Variants in SH3YL1 observed in about 807,000 individuals in gnomAD.
SH3YL1 encodes SH3 domain-containing YSC84-like protein 1.
In SH3YL1, 41 loss-of-function variants were observed where a neutral mutation model predicts 45.8. The observed-to-expected ratio is 0.89, with a 90% CI of 0.70 to 1.16. The LOEUF is 1.16. Among genes scored for constraint, SH3YL1 ranks in the 50% most tolerant of loss-of-function variants. The pLI, the probability that SH3YL1 is intolerant of heterozygous loss-of-function variation, is 0.00. For synonymous variants in SH3YL1, 152 were observed against 151.4 expected, an observed-to-expected ratio of 1.00 and a Z score of -0.03; for missense variants, 389 against 409.6, an observed-to-expected ratio of 0.95 and a Z score of 0.43.
At chr2:252,276 T>C (rs1009092467) in intron 2 of SH3YL1, among the ~76,000 whole-genome samples, 5 of 152,200 alleles carry the variant, frequency 3.3e-5, no homozygotes, top group African/African-American at 2.4e-5. Flanking sequence ...AGAATGTAAA[T>C]GTCTTATGTG....
intron 4 of SH3YL1, among the ~76,000 whole-genome samples, chr2:245,198 G>T (rs139902952): frequency 3.3e-5 from 5 of 152,256 alleles, no homozygotes; most frequent in African/African-American, 1.2e-4. Context: ...ACAATTACAC[G>T]CAGAGACTTA....
intron 9 of SH3YL1, among the ~76,000 whole-genome samples, chr2:224,341 G>A (rs911116903): frequency 6.6e-6 from 1 of 152,172 alleles, no homozygotes; most frequent in Non-Finnish European, 1.5e-5. Flanking sequence ...ACATTTGAAT[G>A]TGAAAAATAA....
At chr2:232,895 G>A (rs959288572) in intron 6 of SH3YL1, 6 of 343,256 alleles carry the variant, frequency 1.7e-5, no homozygotes, top group East Asian at 5.1e-5. Flanking sequence ...TAAAGGGATC[G>A]AGTTTTTTTT....
At chr2:240,807 C>G (rs932868111) in intron 4 of SH3YL1, 13 of 152,312 alleles carry the variant, frequency 8.5e-5, no homozygotes, top group African/African-American at 2.9e-4. Flanking sequence ...AAACTATATG[C>G]ATGCCCATAG....
chr2:230,919 G>A (rs1405418795), intron 7 of SH3YL1, 104 bp downstream of exon 7: 9 of 1,069,294 alleles, frequency 8.4e-6, no homozygotes, highest in Admixed American at 1.8e-5. Flanking sequence ...GTGAAACTAC[G>A]AAGGAGGCTT....
intron 1 of SH3YL1, among the ~76,000 whole-genome samples, chr2:261,525 A>G (rs553666069): frequency 7.2e-5 from 11 of 152,150 alleles, no homozygotes; most frequent in Middle Eastern, 3.4e-3. Context: ...TTTTTTTTTA[A>G]ATTAGAAGGT....
chr2:252,471 A>G (rs556324136), intron 2 of SH3YL1, among the ~76,000 whole-genome samples: 394 of 152,226 alleles, frequency 2.6e-3, no homozygotes, highest in African/African-American at 9.2e-3. Flanking sequence ...GAAAAAGCCT[A>G]TGCAAAAGGG....
chr2:230,161 T>C (rs1217734952), intron 7 of SH3YL1, 117 bp from the exon 8 acceptor site: 4 of 672,900 alleles, frequency 5.9e-6, no homozygotes, highest in Non-Finnish European at 1.0e-5. Flanking sequence ...TGCTTATTAA[T>C]GTGGCACTCT....
chr2:224,891 C>T lies in SH3YL1; in HGVS notation c.811G>A (p.Gly271Arg). ...SNRNEYKLYP[G>R]LSSYHERVGN... ...ACTCTCTCATGATAGCTGGAAAGTC[C>T]AGGATAGAGCTTATATTCATTTCTG... Residue 271 changes from glycine to arginine, a missense_variant, in exon 9 of 10, where the codon GGA becomes AGA. Coordinates refer to ENST00000356150, the MANE Select transcript of SH3YL1 (RefSeq NM_015677.4). The T allele has an allele frequency of 6.2e-7, 1 of 1,610,950 alleles. No individual in the cohort carries two copies. Among genetic ancestry groups the T allele is most frequent in the Non-Finnish European group, 8.5e-7 (1 of 1,177,234 alleles).
At chr2:249,945 T>G in intron 2 of SH3YL1, 101 bp from the exon 3 acceptor site, 40 of 808,554 alleles carry the variant, frequency 4.9e-5, no homozygotes, top group Non-Finnish European at 6.8e-5. Context: ...AGGTTATCTC[T>G]AGGAATTCGG....
intron 4 of SH3YL1, chr2:239,862 C>T (rs936064260): frequency 6.6e-6 from 1 of 152,178 alleles, no homozygotes; most frequent in South Asian, 2.1e-4. Flanking sequence ...ATTCAATGAA[C>T]ACTATTAAAT....
In SH3YL1 at chr2:233,136, C is replaced by T; in HGVS notation, c.498G>A (p.Gly166=). The change falls in exon 6 of 10, where the codon GGG becomes GGA. Residue 166 remains glycine, a synonymous_variant. Transcript: ENST00000356150. The part of the protein sequence containing the change: ...RGLFAGVSLE[G]SCLIERKETN... The stretch of plus-strand genomic sequence containing the variant: ...TTTCTTTCCTTTCAATCAAACAGCT[C>T]CCTTCTAAAGACACGCCTGCAAAGA... 1.9e-6 allele frequency: 3 copies of T among 1,592,712 alleles called. No individual in the cohort carries two copies. Among genetic ancestry groups the T allele is most frequent in the Non-Finnish European group, 2.6e-6 (3 of 1,167,928 alleles).
In SH3YL1 at chr2:234,249, C is replaced by T; in HGVS notation, c.315G>A (p.Leu105=). Residue 105 remains leucine (L), a synonymous_variant, in exon 5 of 10, where the codon CTG becomes CTA. Coordinates refer to ENST00000356150, the MANE Select transcript of SH3YL1 (RefSeq NM_015677.4). ...GIEVSDLVII[L]NYDRAVEAFA... is the part of the protein sequence containing the mutation. ...AAGCTTCTACAGCACGGTCATAATT[C>T]AGAATTATCACCAAGTCTGATACCT... The T allele has an allele frequency of 6.2e-7, 1 of 1,613,704 alleles. No homozygotes were observed. Among genetic ancestry groups the T allele is most frequent in the African/African-American group, 1.3e-5 (1 of 74,998 alleles).
Position 218,436 on chromosome 2 carries a change from G to A in SH3YL1, c.*375C>T, listed in dbSNP as rs905643477. The stretch of plus-strand genomic sequence containing the variant: ...ATTTAAGCTGATTTCTTTTTCTCTA[G>A]TCACTTTGCAAATGGAAATGTAAGA... On this transcript the variant is annotated 3_prime_UTR_variant, in exon 10 of 10. Transcript: ENST00000356150. The A allele has an allele frequency of 6.0e-6, 1 of 165,786 alleles. No individual in the cohort carries two copies. The highest frequency in any genetic ancestry group is 2.4e-5 in the African/African-American group (1 of 41,956). The allele number at this position is 165,786 out of a possible 1,614,324, so 10.3% of individuals were successfully genotyped here.
intron 2 of SH3YL1, among the ~76,000 whole-genome samples, chr2:250,389 T>C (rs1256493126): frequency 2.0e-5 from 3 of 152,232 alleles, no homozygotes; most frequent in African/African-American, 7.2e-5. Context: ...TTTTCAACTT[T>C]ATAAAATGAT....
At chr2:249,913 T>A in intron 2 of SH3YL1, 69 bp from the exon 3 acceptor site, 1 of 1,082,746 alleles carries the variant, frequency 9.2e-7, no homozygotes, top group Non-Finnish European at 1.4e-6. Context: ...GAGCAAGTGT[T>A]AAACAGAGTC....
At chr2:242,296 A>G (rs920509237) in intron 4 of SH3YL1, 1 of 152,082 alleles carries the variant, frequency 6.6e-6, no homozygotes, top group Non-Finnish European at 1.5e-5. Flanking sequence ...AAAAGACATA[A>G]AATTATATAC....
intron 2 of SH3YL1, among the ~76,000 whole-genome samples, chr2:250,195 TA>T (rs11347402): frequency 0.01 from 1,540 of 152,274 alleles, 31 homozygotes; most frequent in African/African-American, 0.035. Flanking sequence ...ACATAAAAGA[TA>T]AAAGCTACAT....
At chr2:221,412 A>G (rs1230895758) in intron 9 of SH3YL1, among the ~76,000 whole-genome samples, 2 of 152,202 alleles carry the variant, frequency 1.3e-5, no homozygotes, top group African/African-American at 4.8e-5. Flanking sequence ...GAATAATTAG[A>G]GAAATAAATA....
Sources: allele counts gnomAD v4.1 joint callset (sites outside exome capture counted in the v4.1 genomes callset), GRCh38; gene constraint gnomAD v4.1.1; transcripts MANE v1.5; gene names NCBI Gene and HGNC (gene_info 2026-07-23, HGNC 2026-07-21).